FOXD4L4: variants seen among roughly 807,000 people sequenced by gnomAD.
The protein encoded by FOXD4L4 is forkhead box D4 like 4.
FOXD4L4 carries 5 observed loss-of-function variants against 24.1 expected under a neutral mutation model. That is an observed-to-expected ratio of 0.21 (90% CI 0.11 to 0.44). FOXD4L4 has a LOEUF of 0.44. FOXD4L4 is among the 20% of genes least tolerant of loss of function. FOXD4L4 has a pLI of 0.99. For synonymous variants in FOXD4L4, 71 were observed against 276.2 expected (o/e 0.26, Z 7.37); for missense variants, 128 against 617.5 (o/e 0.21, Z 8.40).
At chr9:65,737,910 C>T (rs1336839864) in exon 1 of FOXD4L4, 1 of 1,601,356 alleles carries the variant, frequency 6.2e-7, no homozygotes, top group East Asian at 2.2e-5. Flanking sequence ...ACACCGCCCC[C>T]GGGAGACGCC....
At chr9:65,738,155 G>T in exon 1 of FOXD4L4, 1 of 1,602,338 alleles carries the variant, frequency 6.2e-7, no homozygotes, top group South Asian at 1.1e-5. Flanking sequence ...TCAGGGGAGC[G>T]GGTACAGGGG....
chr9:65,737,408 C>G, exon 1 of FOXD4L4: 2 of 1,608,536 alleles, frequency 1.2e-6, no homozygotes, highest in South Asian at 2.2e-5. Flanking sequence ...GAGTTTGGCA[C>G]CAAGTTCAGG....
At chr9:65,737,904 C>G in exon 1 of FOXD4L4, 1 of 1,601,306 alleles carries the variant, frequency 6.2e-7, no homozygotes, top group Non-Finnish European at 8.5e-7. Context: ...ACCCCAACAC[C>G]GCCCCCGGGA....
exon 1 of FOXD4L4, chr9:65,737,862 C>T: frequency 6.2e-7 from 1 of 1,602,652 alleles, no homozygotes; most frequent in East Asian, 2.2e-5. Flanking sequence ...TGCTTGGGGC[C>T]CCTGCCCCGC....
chr9:65,737,420 C>A lies in FOXD4L4; in HGVS notation c.275C>A (p.Ala92Glu). 9.3e-6 allele frequency: 15 copies of A among 1,609,502 alleles called. 1 individual carries two copies. In the South Asian group the frequency reaches 1.5e-4, roughly 17 times the overall value. The change falls in exon 1 of 1, where the codon GCA (alanine) becomes GAA (glutamate). Residue 92 changes from alanine to glutamate, a missense_variant. Coordinates refer to ENST00000377413, the Ensembl canonical transcript of FOXD4L4. The stretch of plus-strand genomic sequence containing the variant: ...TCAGAGTTTGGCACCAAGTTCAGGG[C>A]ACCGCCAAGGTCTGCGGCGGCCTCT...
At chr9:65,737,978 A>G in exon 1 of FOXD4L4, 2 of 1,601,064 alleles carry the variant, frequency 1.2e-6, no homozygotes, top group East Asian at 2.2e-5. Context: ...GCCCGCGTCT[A>G]TGCCGGGGCA....
exon 1 of FOXD4L4, chr9:65,737,375 G>A (rs1394765914): frequency 1.2e-6 from 2 of 1,610,850 alleles, no homozygotes; most frequent in African/African-American, 2.7e-5. Context: ...ATCGAGGGCG[G>A]CGGCGGCCCG....
At chr9:65,737,531 T>C (rs1329780407) in exon 1 of FOXD4L4, 1 of 1,609,972 alleles carries the variant, frequency 6.2e-7, no homozygotes, top group African/African-American at 1.3e-5. Flanking sequence ...CACAAGCGCC[T>C]CACGCTCAGC....
exon 1 of FOXD4L4, chr9:65,737,354 C>T: frequency 1.9e-6 from 3 of 1,609,914 alleles, no homozygotes; most frequent in Non-Finnish European, 2.5e-6. Flanking sequence ...GTTGCGCTTC[C>T]CCGAGAGCAC....
At chr9:65,737,981 C>T in exon 1 of FOXD4L4, 1 of 1,602,260 alleles carries the variant, frequency 6.2e-7, no homozygotes. Context: ...CGCGTCTATG[C>T]CGGGGCACCG....
chr9:65,738,036 G>A (rs1323911323), exon 1 of FOXD4L4: 10 of 1,607,332 alleles, frequency 6.2e-6, no homozygotes, highest in Admixed American at 1.7e-5. Context: ...CACCCTTCCC[G>A]TGCTGCAGCC....
chr9:65,738,030 C>A (rs1221796734), exon 1 of FOXD4L4: 3 of 1,607,106 alleles, frequency 1.9e-6, no homozygotes, highest in Non-Finnish European at 2.5e-6. Context: ...CCCCGGCACC[C>A]TTCCCGTGCT....
chr9:65,737,388 T>A (rs1443511891), exon 1 of FOXD4L4: 1 of 1,607,828 alleles, frequency 6.2e-7, no homozygotes, highest in East Asian at 2.2e-5. Context: ...GCGGCCCGAG[T>A]GACCCTTCAG....
exon 1 of FOXD4L4, chr9:65,737,871 G>C: frequency 6.2e-7 from 1 of 1,602,914 alleles, no homozygotes; most frequent in Middle Eastern, 2.3e-4. Context: ...CCCCTGCCCC[G>C]CCGCAGCCAG....
chr9:65,738,105 G>A, exon 1 of FOXD4L4: 3 of 1,604,338 alleles, frequency 1.9e-6, no homozygotes, highest in Admixed American at 1.7e-5. Context: ...ACCGGGAGGC[G>A]GATGCTTCTC....
At chr9:65,738,130 G>T in exon 1 of FOXD4L4, 1 of 1,603,478 alleles carries the variant, frequency 6.2e-7, no homozygotes, top group South Asian at 1.1e-5. Context: ...AGCATTGAGA[G>T]TATTATGCAA....
chr9:65,737,971 C>G, exon 1 of FOXD4L4: 3 of 1,601,178 alleles, frequency 1.9e-6, no homozygotes, highest in Non-Finnish European at 2.5e-6. Flanking sequence ...GCTCTCGGCC[C>G]GCGTCTATGC....
At chr9:65,738,142 G>T (rs1440247641) in exon 1 of FOXD4L4, 1 of 1,602,944 alleles carries the variant, frequency 6.2e-7, no homozygotes, top group South Asian at 1.1e-5. Context: ...ATTATGCAAG[G>T]GGTCAGGGGA....
At chr9:65,737,985 G>T in exon 1 of FOXD4L4, 1 of 1,602,880 alleles carries the variant, frequency 6.2e-7, no homozygotes. Flanking sequence ...TCTATGCCGG[G>T]GCACCGAAGA....
Sources: allele counts gnomAD v4.1 joint callset, GRCh38; gene constraint gnomAD v4.1.1; transcripts MANE v1.5; gene names NCBI Gene and HGNC (gene_info 2026-07-23, HGNC 2026-07-21).